Variants in DDHD1 observed in about 807,000 individuals in gnomAD.
DDHD1 encodes the protein DDHD domain containing 1.
In DDHD1, 49 loss-of-function variants were observed where a neutral mutation model predicts 96.4. The ratio of observed to expected loss-of-function variants is 0.51; its 90% CI spans 0.40 to 0.64. DDHD1 has a LOEUF of 0.64. DDHD1 is among the 30% of genes least tolerant of loss of function. The pLI, the probability that DDHD1 is intolerant of heterozygous loss-of-function variation, is 0.00. For missense variants in DDHD1, 1,106 were observed against 1,161.2 expected (o/e 0.95, Z 0.69); for synonymous variants, 442 against 446.5 (o/e 0.99, Z 0.13).
chr14:53,113,551 C>T (rs1035159706), intron 1 of DDHD1, among the ~76,000 whole-genome samples: 2 of 151,968 alleles, frequency 1.3e-5, no homozygotes, highest in Non-Finnish European at 2.9e-5. Flanking sequence ...TGAGGTGCCC[C>T]GTTCATTTCA....
intron 12 of DDHD1, chr14:53,049,102 TTACTG>T (rs2139814241): frequency 6.6e-6 from 1 of 152,342 alleles, no homozygotes; most frequent in African/African-American, 2.4e-5. Flanking sequence ...TAATATGCTA[TTACTG>T]TCTTACAACA....
chr14:53,047,731 G>A (rs1453108092), intron 12 of DDHD1, among the ~76,000 whole-genome samples: 3 of 152,152 alleles, frequency 2.0e-5, no homozygotes, highest in East Asian at 3.8e-4. Flanking sequence ...AAGTCCTTGC[G>A]ATTACCTGTT....
intron 11 of DDHD1, 127 bp from the exon 12 acceptor site, chr14:53,052,054 G>T: frequency 1.6e-6 from 1 of 645,132 alleles, no homozygotes. Context: ...CATACATAAA[G>T]TAGTACACAT....
At chr14:53,140,093 A>T (rs1480276816) in intron 1 of DDHD1, among the ~76,000 whole-genome samples, 1 of 152,218 alleles carries the variant, frequency 6.6e-6, no homozygotes, top group Non-Finnish European at 1.5e-5. Context: ...GGAAAGAATC[A>T]GTAAACTTGA....
intron 1 of DDHD1, 36 bp downstream of exon 1, chr14:53,152,225 C>A: frequency 6.4e-7 from 1 of 1,551,278 alleles, no homozygotes; most frequent in Non-Finnish European, 8.7e-7. Flanking sequence ...CATGCAGGGG[C>A]AGCCCGTCCT....
At chr14:53,126,752 CT>C (rs200521450) in intron 1 of DDHD1, among the ~76,000 whole-genome samples, 1 of 151,378 alleles carries the variant, frequency 6.6e-6, no homozygotes, top group Non-Finnish European at 1.5e-5. Context: ...TCATTCCCAT[CT>C]TTTTTTTTAC....
chr14:53,093,520 AT>A, intron 2 of DDHD1, 76 bp from the exon 3 acceptor site: 1 of 1,548,192 alleles, frequency 6.5e-7, no homozygotes, highest in Non-Finnish European at 8.7e-7. Flanking sequence ...TAACACTCAG[AT>A]TTTAAAATCA....
rs1346322536 is a variant in DDHD1 at position 53,072,628 on chromosome 14, A to T, written c.1472T>A (p.Met491Lys). Residue 491 changes from methionine to lysine, a missense_variant, in exon 6 of 13, where the codon ATG becomes AAG. By Grantham distance (95) the Met-to-Lys change is moderately conservative (BLOSUM62 -1). Transcript: ENST00000673822. ...TCTATAAAGTGGACTAGTATAATAC[A>T]TTATGTCCATTGCACTGCTGTTCAG... is the stretch of plus-strand genomic sequence containing the variant. ...DMLNSSAMDI[M>K]YYTSPLYRDE... 1 of 1,607,944 alleles carries T rather than the reference A, an allele frequency of 6.2e-7. No homozygotes were observed. The highest frequency in any genetic ancestry group is 8.5e-7 in the Non-Finnish European group (1 of 1,176,016).
At position 53,063,057 on chromosome 14, in the gene DDHD1, T is replaced by C; in HGVS notation, c.1652A>G (p.Asn551Ser). 1.2e-6 allele frequency: 2 copies of C among 1,614,166 alleles called. No homozygotes were observed. The highest frequency in any genetic ancestry group is 1.7e-6 in the Non-Finnish European group (2 of 1,180,008). ...CAACTGTTCATACAGCCGAACTGGATTCCAGCCAGTCATTATGTCATAAGT... is the reference window on the plus strand; with the variant it reads ...CAACTGTTCATACAGCCGAACTGGACTCCAGCCAGTCATTATGTCATAAGT... ...VITYDIMTGW[N>S]PVRLYEQLLQ... The change falls in exon 7 of 13, where the codon AAT becomes AGT. Residue 551 changes from asparagine (N) to serine (S), a missense_variant. By Grantham distance (46) the Asn-to-Ser change is conservative. This residue lies in a region of DDHD1 where 650 missense variants were observed against 758.8 expected (regional missense o/e 0.86). Coordinates refer to ENST00000673822, the MANE Select transcript of DDHD1 (RefSeq NM_001160148.2).
rs368939854 is a variant in DDHD1 at position 53,152,867 on chromosome 14, G to A, written c.232C>T (p.Leu78Phe). 4 of 1,611,330 alleles carry A rather than the reference G, an allele frequency of 2.5e-6. No individual in the cohort carries two copies. The highest frequency in any genetic ancestry group is 3.4e-6 in the Non-Finnish European group (4 of 1,179,024). ...TCACTGAGGCAGGGGTCCAGCGCGA[G>A]GTGGTGGTTGTGGTCGTCGGTGCCC... ...APGTDDHNHH[L>F]ALDPCLSDEN... The change falls in exon 1 of 13, where the codon CTC (leucine) becomes TTC (phenylalanine). Residue 78 changes from leucine to phenylalanine, a missense_variant. Leu to Phe is a conservative substitution (Grantham distance 22). Transcript: ENST00000673822.
At chr14:53,109,662 G>C (rs188620224) in intron 1 of DDHD1, among the ~76,000 whole-genome samples, 11 of 152,100 alleles carry the variant, frequency 7.2e-5, no homozygotes, top group Admixed American at 5.2e-4. Context: ...ATTTAGATTT[G>C]GACAGTTGCC....
intron 8 of DDHD1, among the ~76,000 whole-genome samples, chr14:53,058,861 A>G (rs1883292525): frequency 6.6e-6 from 1 of 152,224 alleles, no homozygotes; most frequent in African/African-American, 2.4e-5. Flanking sequence ...TAAAAGGAAG[A>G]TAAGGATCAT....
At chr14:53,047,360 A>G (rs1183098875) in intron 12 of DDHD1, among the ~76,000 whole-genome samples, 1 of 152,192 alleles carries the variant, frequency 6.6e-6, no homozygotes, top group Non-Finnish European at 1.5e-5. Context: ...GTGGGAGTGC[A>G]AGAGATCATT....
intron 2 of DDHD1, among the ~76,000 whole-genome samples, chr14:53,102,397 T>C (rs1388323814): frequency 6.6e-6 from 1 of 152,066 alleles, no homozygotes; most frequent in East Asian, 1.9e-4. Context: ...TTAGTTTAAA[T>C]TTTACAGTGA....
chr14:53,071,072 C>T (rs1467694093), intron 6 of DDHD1, among the ~76,000 whole-genome samples: 2 of 151,990 alleles, frequency 1.3e-5, no homozygotes, highest in Admixed American at 6.6e-5. Context: ...CTACCATGTG[C>T]CACATGTTAA....
intron 6 of DDHD1, among the ~76,000 whole-genome samples, chr14:53,067,761 C>G (rs1376732423): frequency 6.6e-6 from 1 of 152,162 alleles, no homozygotes; most frequent in African/African-American, 2.4e-5. Flanking sequence ...CCTGCCCAGC[C>G]TCTTATTTGA....
rs1244414873 is a variant in DDHD1 at position 53,040,055 on chromosome 14, A to G, written c.*6713T>C. The G allele has an allele frequency of 6.6e-6, 1 of 152,148 alleles. No homozygotes were observed. Among genetic ancestry groups the G allele is most frequent in the Non-Finnish European group, 1.5e-5 (1 of 68,042 alleles). The allele number at this position is 152,148 out of a possible 1,614,324, so 9.4% of individuals were successfully genotyped here. Reference sequence around the variant, plus strand: ...AATTCCTAGACTGTTAAAAAAACAAACACCTAAAACTCGACTTTTAAAGTC... The same window carrying G: ...AATTCCTAGACTGTTAAAAAAACAAGCACCTAAAACTCGACTTTTAAAGTC... On this transcript the variant is annotated 3_prime_UTR_variant, in exon 13 of 13. Transcript: ENST00000673822.
chr14:53,096,711 T>TA (rs1362548098), intron 2 of DDHD1, among the ~76,000 whole-genome samples: 1 of 151,900 alleles, frequency 6.6e-6, no homozygotes, highest in African/African-American at 2.4e-5. Context: ...TGCTGAAGTA[T>TA]AATGGAACCT....
intron 6 of DDHD1, among the ~76,000 whole-genome samples, chr14:53,068,732 C>T (rs1195315976): frequency 1.3e-5 from 2 of 152,190 alleles, no homozygotes; most frequent in Non-Finnish European, 2.9e-5. Flanking sequence ...AGTTTAGGTA[C>T]TGCTTGATTT....
Sources: allele counts gnomAD v4.1 joint callset (sites outside exome capture counted in the v4.1 genomes callset), GRCh38; gene constraint gnomAD v4.1.1; regional missense constraint gnomAD v4.1.1; transcripts MANE v1.5; gene names NCBI Gene and HGNC (gene_info 2026-07-23, HGNC 2026-07-21).